Variants in TULP4 observed in about 807,000 individuals in gnomAD.
TULP4 encodes TUB like protein 4, also known as tubby-related protein 4.
TULP4 carries 16 observed loss-of-function variants against 129.0 expected under a neutral mutation model. The ratio of observed to expected loss-of-function variants is 0.12; its 90% confidence interval spans 0.08 to 0.19. The LOEUF (loss-of-function observed/expected upper bound fraction) is 0.19, where lower values mean the gene tolerates loss of function less well. Ranked by LOEUF, TULP4 falls within the 10% of genes least tolerant of loss-of-function variation. The pLI, the probability that TULP4 is intolerant of heterozygous loss-of-function variation, is 1.00. For missense variants in TULP4, 1,842 were observed against 2,059.1 expected (o/e 0.89, Z 2.04); for synonymous variants, 998 against 854.0 (o/e 1.17, Z -2.94).
At chr6:158,456,597 G>A (rs1162116936) in intron 5 of TULP4, among the ~76,000 whole-genome samples, 1 of 152,164 alleles carries the variant, frequency 6.6e-6, no homozygotes, top group African/African-American at 2.4e-5. Flanking sequence ...ACTTTGGGAG[G>A]CTGCGGTGGG....
At chr6:158,498,404 T>G (rs1185236613) in intron 11 of TULP4, among the ~76,000 whole-genome samples, 1 of 152,260 alleles carries the variant, frequency 6.6e-6, no homozygotes, top group East Asian at 1.9e-4. Flanking sequence ...ATTTGAAATT[T>G]GTAGTTCTGT....
At chr6:158,384,529 C>T (rs565653628) in intron 1 of TULP4, among the ~76,000 whole-genome samples, 9 of 152,084 alleles carry the variant, frequency 5.9e-5, no homozygotes, top group African/African-American at 1.9e-4. Flanking sequence ...ACCTCATGAT[C>T]CACCCTCCTC....
At chr6:158,317,317 G>GC (rs1779514282) in intron 1 of TULP4, among the ~76,000 whole-genome samples, 2 of 98,318 alleles carry the variant, frequency 2.0e-5, no homozygotes, top group African/African-American at 4.0e-5. Flanking sequence ...TCCTCCCCCT[G>GC]CCCCCCACCC....
Position 158,489,676 on chromosome 6 carries a change from G to A in TULP4, c.1575G>A (p.Trp525Ter), listed in dbSNP as rs1780152886. The change falls in exon 9 of 14, where the codon TGG (tryptophan) becomes TGA (stop). Residue 525 changes from tryptophan (W) to a stop codon, truncating the protein, a stop_gained. Coordinates refer to ENST00000367097, the MANE Select transcript of TULP4 (RefSeq NM_020245.5). LOFTEE classifies it high-confidence loss of function. ...DSSDIELSDD[W>*]AAKKSPKISR... The stretch of plus-strand genomic sequence containing the variant: ...GTGACATTGAGCTGAGTGATGACTG[G>A]GCTGCCAAGAAATCTCCCAAAATCT... The A allele has an allele frequency of 6.2e-7, 1 of 1,614,038 alleles. No homozygotes were observed. The highest frequency in any genetic ancestry group is 1.7e-5 in the Admixed American group (1 of 59,994).
At chr6:158,240,608 G>C in intron 1 of TULP4, among the ~76,000 whole-genome samples, 1 of 97,488 alleles carries the variant, frequency 1.0e-5, no homozygotes, top group Non-Finnish European at 2.3e-5. Flanking sequence ...GGGCAGAGGC[G>C]CCCCTCACCT....
intron 1 of TULP4, among the ~76,000 whole-genome samples, chr6:158,330,295 C>T (rs1191135375): frequency 6.6e-6 from 1 of 152,208 alleles, no homozygotes; most frequent in Admixed American, 6.5e-5. Context: ...GAGCTCCATG[C>T]TTACCCAGAG....
chr6:158,292,193 G>T (rs956711375), intron 1 of TULP4, among the ~76,000 whole-genome samples: 16 of 152,298 alleles, frequency 1.1e-4, no homozygotes, highest in Middle Eastern at 6.8e-3. Context: ...GTGTGACTCA[G>T]GTTCAGCCTC....
rs146753041 is a variant in TULP4, at chr6:158,331,688, G to GACACACAC, written c.252+17454_252+17461dup. The stretch of plus-strand genomic sequence containing the variant: ...TCTTTGCTGCTGGACTCGTTCAACA[G>GACACACAC]ACACACACACACACACACACACACA... On this transcript the variant is annotated intron_variant, in intron 1 of 13. Coordinates refer to ENST00000367097, the MANE Select transcript of TULP4 (RefSeq NM_020245.5). 6.9e-5 allele frequency among the ~76,000 whole-genome samples: 3 copies of GACACACAC among 43,304 alleles called. 1 individual carries two copies. The South Asian group carries it at 3.9e-3, about 56-fold the overall frequency. The allele number at this position is 43,304 out of a possible 152,430, so 28.4% of individuals were successfully genotyped here.
intron 1 of TULP4, among the ~76,000 whole-genome samples, chr6:158,371,603 A>G (rs749013185): frequency 5.3e-5 from 8 of 152,196 alleles, no homozygotes; most frequent in Non-Finnish European, 1.2e-4. Flanking sequence ...CTTATTCTAA[A>G]GTGAAGTGGA....
At chr6:158,402,724 T>G (rs1777882283) in intron 1 of TULP4, among the ~76,000 whole-genome samples, 1 of 152,230 alleles carries the variant, frequency 6.6e-6, no homozygotes, top group Non-Finnish European at 1.5e-5. Flanking sequence ...AGCTGTTAGC[T>G]TTCAAGCCTT....
chr6:158,376,126 C>T (rs147959059), intron 1 of TULP4, among the ~76,000 whole-genome samples: 169 of 152,318 alleles, frequency 1.1e-3, no homozygotes, highest in African/African-American at 3.9e-3. Flanking sequence ...CCTGCACCTC[C>T]TCTCACCTGC....
chr6:158,399,733 A>C (rs1462851043), intron 1 of TULP4, among the ~76,000 whole-genome samples: 1 of 152,136 alleles, frequency 6.6e-6, no homozygotes, highest in East Asian at 1.9e-4. Context: ...CAACCTCTCT[A>C]TTTGTGGGTG....
chr6:158,500,112 G>A (rs1360724496), intron 12 of TULP4, among the ~76,000 whole-genome samples: 2 of 152,162 alleles, frequency 1.3e-5, no homozygotes, highest in Non-Finnish European at 2.9e-5. Context: ...CAAAATGCGA[G>A]GAATACAGCC....
chr6:158,262,764 G>C (rs1265481332), intron 1 of TULP4, among the ~76,000 whole-genome samples: 1 of 152,182 alleles, frequency 6.6e-6, no homozygotes, highest in Non-Finnish European at 1.5e-5. Flanking sequence ...ACAAGCAGCT[G>C]TCTCTATGCC....
chr6:158,444,842 C>T (rs923062388), intron 3 of TULP4, among the ~76,000 whole-genome samples: 11 of 152,112 alleles, frequency 7.2e-5, no homozygotes, highest in African/African-American at 1.4e-4. Context: ...GTCAGAGTCT[C>T]GCTCAGTCAC....
At chr6:158,482,843 G>T (rs1348535168) in intron 8 of TULP4, among the ~76,000 whole-genome samples, 1 of 152,192 alleles carries the variant, frequency 6.6e-6, no homozygotes, top group African/African-American at 2.4e-5. Context: ...CGGACCGGAG[G>T]CTGTGCTGTG....
At chr6:158,496,308 T>A (rs1359778279) in intron 11 of TULP4, among the ~76,000 whole-genome samples, 1 of 152,272 alleles carries the variant, frequency 6.6e-6, no homozygotes, top group African/African-American at 2.4e-5. Flanking sequence ...TGTGTATGAG[T>A]TGTATGAAGC....
chr6:158,298,006 T>C (rs919166578), intron 1 of TULP4, among the ~76,000 whole-genome samples: 71 of 152,276 alleles, frequency 4.7e-4, no homozygotes, highest in African/African-American at 1.7e-3. Flanking sequence ...TGCAATTCTT[T>C]TCCTAGGGTC....
intron 1 of TULP4, among the ~76,000 whole-genome samples, chr6:158,384,476 G>C (rs1777395539): frequency 6.6e-6 from 1 of 152,002 alleles, no homozygotes; most frequent in East Asian, 1.9e-4. Context: ...TTTTAGTAGA[G>C]ACGGGGTTTC....
Sources: allele counts gnomAD v4.1 joint callset (sites outside exome capture counted in the v4.1 genomes callset), GRCh38; gene constraint gnomAD v4.1.1; transcripts MANE v1.5; gene names NCBI Gene and HGNC (gene_info 2026-07-23, HGNC 2026-07-21).